HEATR4: variants seen among roughly 807,000 people sequenced by gnomAD.
HEATR4 encodes HEAT repeat containing 4, also known as HEAT repeat-containing protein 4.
Under a neutral mutation model 108.8 loss-of-function variants are expected in HEATR4, and 95 were observed. The observed-to-expected ratio is 0.87, with a 90% CI of 0.74 to 1.04. HEATR4 has a LOEUF of 1.04. Ranked by LOEUF, HEATR4 falls within the 50% of genes least tolerant of loss-of-function variation. The pLI, the probability that HEATR4 is intolerant of heterozygous loss-of-function variation, is 0.00. For synonymous variants in HEATR4, 443 were observed against 459.4 expected, an observed-to-expected ratio of 0.96 and a Z score of 0.46; for missense variants, 1,152 against 1,253.8, an observed-to-expected ratio of 0.92 and a Z score of 1.23.
At chr14:73,618,955 C>T in the HEATR4 span, among the ~76,000 whole-genome samples, 1 of 152,058 alleles carries the variant, frequency 6.6e-6, no homozygotes, top group Admixed American at 6.6e-5. Context: ...CATGGTGAAA[C>T]CCTGTCTCTA....
the HEATR4 span, chr14:73,570,017 T>C: frequency 7.5e-7 from 1 of 1,330,262 alleles, no homozygotes; most frequent in Non-Finnish European, 9.9e-7. Flanking sequence ...AGGTTTCGAA[T>C]TCCTGGTCTC....
the HEATR4 span, among the ~76,000 whole-genome samples, chr14:73,626,248 G>C: frequency 5.0e-3 from 762 of 152,174 alleles, 6 homozygotes; most frequent in African/African-American, 0.018. Context: ...ATACAACAAC[G>C]CTAATAATAG....
upstream of HEATR4, among the ~76,000 whole-genome samples, chr14:73,563,834 G>A (rs1889565448): frequency 6.6e-6 from 1 of 151,744 alleles, no homozygotes; most frequent in Non-Finnish European, 1.5e-5. Context: ...GTTAAAATGA[G>A]GCCATGCATG....
At chr14:73,589,285 A>G in the HEATR4 span, among the ~76,000 whole-genome samples, 1 of 151,426 alleles carries the variant, frequency 6.6e-6, no homozygotes, top group Non-Finnish European at 1.5e-5. Flanking sequence ...TATCTCCAAT[A>G]CTTTTGCTTT....
upstream of HEATR4, among the ~76,000 whole-genome samples, chr14:73,562,904 C>A (rs552967947): frequency 4.9e-4 from 74 of 152,116 alleles, no homozygotes; most frequent in Admixed American, 1.4e-3. Context: ...TGCTTTTGCC[C>A]TTTGCCTTGT....
intron 17 of HEATR4, 107 bp from the exon 18 acceptor site, chr14:73,478,949 TTC>T: frequency 1.2e-6 from 1 of 806,710 alleles, no homozygotes; most frequent in Non-Finnish European, 2.0e-6. Context: ...CTTTTTTTTT[TTC>T]TTTTTGAGAC....
chr14:73,522,719 T>C lies in HEATR4; in HGVS notation c.434A>G (p.Glu145Gly). 9.3e-6 allele frequency: 15 copies of C among 1,614,222 alleles called. No homozygotes were observed. The highest frequency in any genetic ancestry group is 1.3e-5 in the Non-Finnish European group (15 of 1,180,040). The change falls in exon 3 of 18, where the codon GAA becomes GGA. Residue 145 changes from glutamate (E) to glycine (G), a missense_variant. Glu to Gly is a moderately conservative substitution (Grantham distance 98). Transcript: ENST00000553558. ...AVKTESSANP[E>G]KKLKKSKPAS... is the part of the protein sequence containing the mutation. Reference sequence around the variant, plus strand: ...TGGCTTTGATTTCTTCAGCTTCTTTTCGGGATTGGCAGAGCTTTCTGTCTT... The same window carrying C: ...TGGCTTTGATTTCTTCAGCTTCTTTCCGGGATTGGCAGAGCTTTCTGTCTT...
chr14:73,528,218 A>C (rs184766878), intron 2 of HEATR4, among the ~76,000 whole-genome samples: 6 of 152,060 alleles, frequency 3.9e-5, no homozygotes, highest in African/African-American at 1.4e-4. Context: ...AACATGGCGA[A>C]GCCCCATCTC....
At chr14:73,512,290 A>G in intron 6 of HEATR4, 141 bp from the exon 7 acceptor site, 1 of 921,936 alleles carries the variant, frequency 1.1e-6, no homozygotes, top group Non-Finnish European at 1.6e-6. Flanking sequence ...GGGCCCAGAG[A>G]TGGGGTCTTT....
chr14:73,572,693 G>T, the HEATR4 span, among the ~76,000 whole-genome samples: 5 of 145,242 alleles, frequency 3.4e-5, no homozygotes, highest in Non-Finnish European at 7.5e-5. Context: ...TTTCGCCCAG[G>T]CTGGAGTAGT....
chr14:73,502,085 G>A lies in HEATR4; in HGVS notation c.2105+810C>T, dbSNP rs1420492698. On this transcript the variant is annotated intron_variant, in intron 11 of 17. Transcript: ENST00000553558. ...TTTTTTTAATTTTTAGTAGAGGCAA[G>A]GTCTTGCTATGTTGCCCAGGCTGGT... 2.0e-5 allele frequency among the ~76,000 whole-genome samples: 3 copies of A among 149,678 alleles called. No homozygotes were observed. In the East Asian group the frequency reaches 5.9e-4, roughly 29 times the overall value.
the HEATR4 span, among the ~76,000 whole-genome samples, chr14:73,599,915 A>G: frequency 6.6e-6 from 1 of 152,190 alleles, no homozygotes; most frequent in Non-Finnish European, 1.5e-5. Flanking sequence ...CTCTCCCCCA[A>G]AAATCTCATT....
At chr14:73,589,892 C>T in the HEATR4 span, among the ~76,000 whole-genome samples, 2 of 152,164 alleles carry the variant, frequency 1.3e-5, no homozygotes, top group Non-Finnish European at 2.9e-5. Flanking sequence ...CAAACCTTTG[C>T]GGTGAGTGTT....
the HEATR4 span, among the ~76,000 whole-genome samples, chr14:73,614,348 T>C: frequency 6.6e-6 from 1 of 152,216 alleles, no homozygotes; most frequent in African/African-American, 2.4e-5. Flanking sequence ...GGCTGCCCAC[T>C]GTACTGTGAA....
At chr14:73,562,982 A>G (rs1223749910), upstream of HEATR4, among the ~76,000 whole-genome samples, 2 of 151,578 alleles carry the variant, frequency 1.3e-5, no homozygotes, top group African/African-American at 4.8e-5. Context: ...GAAGCATGTG[A>G]TCTTTGTTAG....
chr14:73,576,628 C>A, the HEATR4 span, among the ~76,000 whole-genome samples: 1 of 151,016 alleles, frequency 6.6e-6, no homozygotes, highest in Non-Finnish European at 1.5e-5. Context: ...CATGGGAAAA[C>A]CCCGTCTCTA....
At chr14:73,569,861 A>C in the HEATR4 span, 2 of 1,605,072 alleles carry the variant, frequency 1.2e-6, no homozygotes, top group Non-Finnish European at 1.7e-6. Context: ...GCCGGGTGCG[A>C]GGCACGCTCT....
chr14:73,492,587 T>C lies in HEATR4; in HGVS notation c.2844+479A>G. 6.2e-7 allele frequency: 1 copy of C among 1,613,938 alleles called. No homozygotes were observed. The highest frequency in any genetic ancestry group is 1.3e-5 in the African/African-American group (1 of 75,030). On this transcript the variant is annotated intron_variant, in intron 17 of 17. Coordinates refer to ENST00000553558, the MANE Select transcript of HEATR4 (RefSeq NM_001220484.1). This position sits in a 1 kb window ranked among gnomAD's most constrained non-coding sequence, Gnocchi z 4.9. ...TGATAGGGAGAGGGCACTAAGTGTTTACGGGCTTCCAATTCGCTGGGAGGC... is the reference window on the plus strand; with the variant it reads ...TGATAGGGAGAGGGCACTAAGTGTTCACGGGCTTCCAATTCGCTGGGAGGC...
intron 16 of HEATR4, among the ~76,000 whole-genome samples, chr14:73,494,537 G>C (rs1432346237): frequency 6.6e-6 from 1 of 152,002 alleles, no homozygotes; most frequent in Non-Finnish European, 1.5e-5. Context: ...CCAGAGACAA[G>C]CACTATTTTT....
Sources: gnomAD v4.1 joint callset for allele counts (sites outside exome capture counted in the v4.1 genomes callset) on GRCh38, gnomAD v4.1.1 for gene constraint, Gnocchi (gnomAD v3.1) non-coding constraint, MANE v1.5 for transcripts, NCBI Gene and HGNC (gene_info 2026-07-23, HGNC 2026-07-21) for gene names.